The following DPYD variants were observed in gnomAD, a reference collection of about 807,000 sequenced individuals.
The protein encoded by DPYD is dihydropyrimidine dehydrogenase [NADP(+)].
Under a neutral mutation model 116.2 loss-of-function variants are expected in DPYD, and 109 were observed. The observed-to-expected ratio is 0.94, with a 90% CI of 0.80 to 1.10. DPYD has a LOEUF of 1.10. Ranked by LOEUF, DPYD falls within the 50% of genes least tolerant of loss-of-function variation. The probability of loss-of-function intolerance (pLI) is 0.00; values close to 1 mark genes in which losing one functional copy is unlikely to be tolerated. For missense variants in DPYD, 1,302 were observed against 1,254.5 expected (o/e 1.04, Z -0.57); for synonymous variants, 440 against 432.0 (o/e 1.02, Z -0.23).
intron 21 of DPYD, among the ~76,000 whole-genome samples, chr1:97,087,486 A>G (rs1024515371): frequency 6.6e-6 from 1 of 152,204 alleles, no homozygotes; most frequent in African/African-American, 2.4e-5. Context: ...GGGTGAGAGA[A>G]GCAAGTAAAT....
At chr1:97,490,352 T>C (rs954941174) in intron 13 of DPYD, among the ~76,000 whole-genome samples, 3 of 147,964 alleles carry the variant, frequency 2.0e-5, no homozygotes, top group African/African-American at 7.4e-5. Flanking sequence ...ATATATTACA[T>C]AGTATATTAT....
At chr1:97,576,271 T>A (rs1231202720) in intron 10 of DPYD, among the ~76,000 whole-genome samples, 1 of 152,194 alleles carries the variant, frequency 6.6e-6, no homozygotes, top group Admixed American at 6.5e-5. Flanking sequence ...CTTGACTGAA[T>A]AACAACTCCA....
chr1:97,227,893 T>C (rs1661301741), intron 19 of DPYD, among the ~76,000 whole-genome samples: 1 of 152,018 alleles, frequency 6.6e-6, no homozygotes, highest in African/African-American at 2.4e-5. Context: ...TTTGTGAACT[T>C]ACATTTAATT....
chr1:97,117,290 C>T (rs1015100137), intron 20 of DPYD, among the ~76,000 whole-genome samples: 6 of 152,192 alleles, frequency 3.9e-5, no homozygotes, highest in African/African-American at 1.4e-4. Flanking sequence ...TATCAAGTGT[C>T]GCTCATTTAT....
chr1:97,246,256 T>C (rs1662711986), intron 18 of DPYD, among the ~76,000 whole-genome samples: 1 of 152,164 alleles, frequency 6.6e-6, no homozygotes, highest in Non-Finnish European at 1.5e-5. Context: ...CCCAGCACCA[T>C]GGCTGTTGCT....
intron 5 of DPYD, among the ~76,000 whole-genome samples, chr1:97,711,283 G>A (rs1662271190): frequency 6.6e-6 from 1 of 151,844 alleles, no homozygotes; most frequent in Non-Finnish European, 1.5e-5. Context: ...AGTGTTTATA[G>A]TTTAGTTATA....
intron 13 of DPYD, among the ~76,000 whole-genome samples, chr1:97,488,803 C>T (rs945148037): frequency 6.6e-6 from 1 of 152,186 alleles, no homozygotes; most frequent in Non-Finnish European, 1.5e-5. Flanking sequence ...CAGGAGTTAC[C>T]ACCCTTTTCT....
intron 14 of DPYD, among the ~76,000 whole-genome samples, chr1:97,404,107 T>C (rs1053904955): frequency 2.6e-5 from 4 of 152,078 alleles, no homozygotes; most frequent in African/African-American, 9.6e-5. Context: ...TTTCCAGATA[T>C]ATTTTGTTAG....
chr1:97,662,898 G>GTT (rs1659349310), intron 8 of DPYD, among the ~76,000 whole-genome samples: 1 of 152,304 alleles, frequency 6.6e-6, no homozygotes, highest in South Asian at 2.1e-4. Flanking sequence ...TAGTCACACA[G>GTT]TTTCACTGGG....
At chr1:97,375,509 T>C (rs138858728) in intron 15 of DPYD, among the ~76,000 whole-genome samples, 1 of 152,330 alleles carries the variant, frequency 6.6e-6, no homozygotes, top group Non-Finnish European at 1.5e-5. Context: ...GGTTTTGCTT[T>C]CCTAATCCGA....
At chr1:97,839,498 T>TTGTG (rs546028617) in intron 2 of DPYD, among the ~76,000 whole-genome samples, 20 of 150,034 alleles carry the variant, frequency 1.3e-4, no homozygotes, top group African/African-American at 4.1e-4. Flanking sequence ...CAGCAATTCT[T>TTGTG]TGTGTGTGTG....
At chr1:97,467,021 T>G (rs2101839712) in intron 13 of DPYD, among the ~76,000 whole-genome samples, 1 of 152,294 alleles carries the variant, frequency 6.6e-6, no homozygotes, top group African/African-American at 2.4e-5. Context: ...GGCACCTAGC[T>G]AGCCTTGAGA....
intron 6 of DPYD, among the ~76,000 whole-genome samples, chr1:97,692,682 A>G (rs1661075189): frequency 6.6e-6 from 1 of 152,328 alleles, no homozygotes; most frequent in South Asian, 2.1e-4. Context: ...AATTTCACCA[A>G]ATTCTCACTG....
intron 4 of DPYD, among the ~76,000 whole-genome samples, chr1:97,725,166 C>T (rs959085886): frequency 4.0e-5 from 6 of 151,022 alleles, no homozygotes; most frequent in Non-Finnish European, 5.9e-5. Context: ...AATGAACAAA[C>T]GAAAAATAAA....
chr1:97,358,948 G>A (rs1670564352), intron 16 of DPYD, among the ~76,000 whole-genome samples: 3 of 152,174 alleles, frequency 2.0e-5, no homozygotes, highest in Admixed American at 2.0e-4. Context: ...AAAAAAGCTG[G>A]ATGGAGAATG....
intron 19 of DPYD, among the ~76,000 whole-genome samples, chr1:97,195,357 A>T (rs1185788072): frequency 6.6e-6 from 1 of 151,622 alleles, no homozygotes; most frequent in Non-Finnish European, 1.5e-5. Flanking sequence ...GAATAATAAG[A>T]TTCTATTTCA....
Position 97,699,555 on chromosome 1 carries a change from G to A in DPYD, c.484-8C>T, listed in dbSNP as rs749994255. On this transcript the variant is annotated splice_polypyrimidine_tract_variant and splice_region_variant and intron_variant, in intron 5 of 22. Transcript: ENST00000370192. ...ACTCATTGCTTTGAATACCTACGGG[G>A]AAATCAATTGTCATGGTTAAAATTT... The A allele has an allele frequency of 6.2e-7, 1 of 1,612,912 alleles. No individual in the cohort carries two copies. The highest frequency in any genetic ancestry group is 8.5e-7 in the Non-Finnish European group (1 of 1,179,146).
chr1:97,794,722 T>C (rs1401072034), intron 3 of DPYD, among the ~76,000 whole-genome samples: 2 of 152,114 alleles, frequency 1.3e-5, no homozygotes, highest in Non-Finnish European at 2.9e-5. Flanking sequence ...TATTATACTT[T>C]TCGGAAAAAA....
chr1:97,091,677 A>C (rs1422804073), intron 21 of DPYD, among the ~76,000 whole-genome samples: 1 of 152,178 alleles, frequency 6.6e-6, no homozygotes, highest in Non-Finnish European at 1.5e-5. Flanking sequence ...CTAGAATTTG[A>C]ATAGAGCTGT....
Sources: gnomAD v4.1 joint callset for allele counts (sites outside exome capture counted in the v4.1 genomes callset) on GRCh38, gnomAD v4.1.1 for gene constraint, MANE v1.5 for transcripts, NCBI Gene and HGNC (gene_info 2026-07-23, HGNC 2026-07-21) for gene names.